Variants in CTNNA2 observed in about 807,000 individuals in gnomAD.
CTNNA2 encodes the protein catenin alpha 2.
In CTNNA2, 42 loss-of-function variants were observed where a neutral mutation model predicts 101.0. The observed-to-expected ratio is 0.42, with a 90% CI of 0.32 to 0.54. The LOEUF is 0.54. CTNNA2 is among the 20% of genes least tolerant of loss of function. The pLI is 0.14. For synonymous variants in CTNNA2, 450 were observed against 456.4 expected, an observed-to-expected ratio of 0.99 and a Z score of 0.18; for missense variants, 871 against 1,223.1, an observed-to-expected ratio of 0.71 and a Z score of 4.29.
intron 7 of CTNNA2, among the ~76,000 whole-genome samples, chr2:80,338,818 C>A (rs1186517672): frequency 1.3e-5 from 2 of 152,138 alleles, no homozygotes; most frequent in African/African-American, 4.8e-5. Flanking sequence ...GATTAGAATT[C>A]CAGTCACCAG....
intron 7 of CTNNA2, among the ~76,000 whole-genome samples, chr2:80,013,755 A>G (rs1045368149): frequency 1.3e-5 from 2 of 152,182 alleles, no homozygotes; most frequent in Non-Finnish European, 1.5e-5. Flanking sequence ...TGTACATGCT[A>G]TTGGCCAGAC....
In CTNNA2 at chr2:80,141,938, G is replaced by A. The variant is rs1296879744; in HGVS notation, c.1056+232141G>A. Among the ~76,000 whole-genome samples the A allele has an allele frequency of 2.0e-5, 3 of 150,232 alleles. No individual in the cohort carries two copies. The East Asian group carries it at 5.9e-4, about 30-fold the overall frequency. On this transcript the variant is annotated intron_variant, in intron 7 of 18. Transcript: ENST00000402739. ...CCCTGAGTTGTTTTTCAGAAATCCA[G>A]ATCCCCACCAAATGGATCCGCTGGC...
intron 2 of CTNNA2, among the ~76,000 whole-genome samples, chr2:79,250,119 C>T (rs1051514549): frequency 1.3e-5 from 2 of 152,148 alleles, no homozygotes; most frequent in Admixed American, 6.5e-5. Context: ...ACACACTGCC[C>T]AGGATTGTCT....
At chr2:79,291,919 A>G (rs530312281) in intron 2 of CTNNA2, among the ~76,000 whole-genome samples, 174 of 152,272 alleles carry the variant, frequency 1.1e-3, no homozygotes, top group African/African-American at 4.1e-3. Context: ...GACAAGAAAC[A>G]GAGAGACAGA....
At chr2:79,504,805 G>A (rs1204597228) in intron 4 of CTNNA2, among the ~76,000 whole-genome samples, 1 of 152,080 alleles carries the variant, frequency 6.6e-6, no homozygotes, top group East Asian at 1.9e-4. Context: ...CAGTGAAAAG[G>A]GTGTATATGG....
chr2:80,458,298 A>G (rs991432886), intron 9 of CTNNA2, among the ~76,000 whole-genome samples: 5 of 152,200 alleles, frequency 3.3e-5, no homozygotes. Context: ...TTTGTAGTTA[A>G]TATGACCTAT....
chr2:79,572,454 TA>T (rs112388685), intron 1 of CTNNA2, among the ~76,000 whole-genome samples: 4 of 151,988 alleles, frequency 2.6e-5, no homozygotes, highest in African/African-American at 7.3e-5. Context: ...TTTCCTCATT[TA>T]AAAAAAATTA....
chr2:79,946,430 C>T (rs1484375362), intron 7 of CTNNA2, among the ~76,000 whole-genome samples: 4 of 152,068 alleles, frequency 2.6e-5, no homozygotes, highest in Middle Eastern at 3.2e-3. Flanking sequence ...TACTTTAAAC[C>T]GAACACTGAG....
At position 80,303,510 on chromosome 2, in the gene CTNNA2, C is replaced by A. The variant is rs748970613; in HGVS notation, c.1057-89701C>A. On this transcript the variant is annotated intron_variant, in intron 7 of 18. Coordinates refer to ENST00000402739, the MANE Select transcript of CTNNA2 (RefSeq NM_001282597.3). This position sits in a 1 kb window ranked among gnomAD's most constrained non-coding sequence, Gnocchi z 7.7. ...AGTTTCTGAAAGGCGTCCCCCTGCA[C>A]GGAGCAGATGTGATTGTGATCCAGA... 1.5e-5 allele frequency: 25 copies of A among 1,614,102 alleles called. No homozygotes were observed. Among genetic ancestry groups the A allele is most frequent in the Non-Finnish European group, 1.8e-5 (21 of 1,180,060 alleles).
At chr2:80,350,186 A>G (rs1012470062) in intron 7 of CTNNA2, among the ~76,000 whole-genome samples, 2 of 152,114 alleles carry the variant, frequency 1.3e-5, no homozygotes, top group South Asian at 4.1e-4. Context: ...AATTTTCAGT[A>G]TGAGGGAATG....
At chr2:79,899,175 G>A (rs1232129187) in intron 6 of CTNNA2, among the ~76,000 whole-genome samples, 1 of 151,628 alleles carries the variant, frequency 6.6e-6, no homozygotes, top group Admixed American at 6.6e-5. Flanking sequence ...TAACATGACT[G>A]TTTTTTTTCA....
chr2:80,371,934 T>C (rs1675480232), intron 7 of CTNNA2, among the ~76,000 whole-genome samples: 1 of 152,138 alleles, frequency 6.6e-6, no homozygotes, highest in Admixed American at 6.5e-5. Context: ...ACTGGTGACA[T>C]GAAATGACGT....
chr2:79,983,451 G>A (rs1238702726), intron 7 of CTNNA2, among the ~76,000 whole-genome samples: 1 of 152,122 alleles, frequency 6.6e-6, no homozygotes, highest in Admixed American at 6.6e-5. Flanking sequence ...CTAGGATAGG[G>A]AGGGTCTCCT....
At chr2:79,520,235 C>A (rs1672031578) in intron 1 of CTNNA2, among the ~76,000 whole-genome samples, 1 of 152,174 alleles carries the variant, frequency 6.6e-6, no homozygotes, top group South Asian at 2.1e-4. Context: ...ATATCTGTTA[C>A]CCTAAAATCT....
chr2:80,172,931 A>G (rs986878403), intron 7 of CTNNA2, among the ~76,000 whole-genome samples: 2 of 152,156 alleles, frequency 1.3e-5, no homozygotes, highest in African/African-American at 2.4e-5. Context: ...ATATTAACCT[A>G]ATCATCTACA....
chr2:79,984,933 C>T (rs1691657207), intron 7 of CTNNA2, among the ~76,000 whole-genome samples: 1 of 152,190 alleles, frequency 6.6e-6, no homozygotes. Context: ...CTGTTTTTCT[C>T]AATAAAGTTT....
chr2:79,359,601 G>A (rs1429495543), intron 3 of CTNNA2, among the ~76,000 whole-genome samples: 2 of 152,138 alleles, frequency 1.3e-5, no homozygotes, highest in Admixed American at 1.3e-4. Flanking sequence ...GAAGCCCCTG[G>A]AGAGAATTAC....
chr2:80,514,311 G>C (rs1039691468), intron 9 of CTNNA2, among the ~76,000 whole-genome samples: 3 of 152,154 alleles, frequency 2.0e-5, no homozygotes, highest in African/African-American at 7.2e-5. Flanking sequence ...GCAGCACCCA[G>C]GTTGGGTGCC....
At chr2:79,784,761 T>A (rs199503124) in intron 3 of CTNNA2, among the ~76,000 whole-genome samples, 2 of 64,906 alleles carry the variant, frequency 3.1e-5, no homozygotes, top group Non-Finnish European at 4.6e-5. Context: ...GAGAATGAAA[T>A]ATATATATAT....
Sources: allele counts gnomAD v4.1 joint callset (sites outside exome capture counted in the v4.1 genomes callset), GRCh38; gene constraint gnomAD v4.1.1; non-coding constraint Gnocchi (gnomAD v3.1); transcripts MANE v1.5; gene names NCBI Gene and HGNC (gene_info 2026-07-23, HGNC 2026-07-21).